Variants in NTAQ1 observed in about 807,000 individuals in gnomAD.
NTAQ1 encodes the protein protein N-terminal glutamine amidohydrolase.
Under a neutral mutation model 28.2 loss-of-function variants are expected in NTAQ1, and 21 were observed. The observed-to-expected ratio is 0.74, with a 90% CI of 0.53 to 1.07. NTAQ1 has a LOEUF of 1.07. Ranked by LOEUF, NTAQ1 falls within the 50% of genes least tolerant of loss-of-function variation. The pLI is 0.00. For synonymous variants in NTAQ1, 105 were observed against 90.0 expected (o/e 1.17, Z -0.94); for missense variants, 264 against 256.6 (o/e 1.03, Z -0.20).
chr8:123,428,138 C>A, intron 2 of NTAQ1, 115 bp downstream of exon 2: 1 of 693,236 alleles, frequency 1.4e-6, no homozygotes. Flanking sequence ...CTGAAGTGTG[C>A]TTTATTAAAT....
intron 6 of NTAQ1, among the ~76,000 whole-genome samples, chr8:123,463,194 T>C (rs1815879750): frequency 6.6e-6 from 1 of 152,222 alleles, no homozygotes; most frequent in South Asian, 2.1e-4. Flanking sequence ...TTCAGAAGGA[T>C]TTCCTAAGAA....
At chr8:123,467,187 C>G (rs570784274) in exon 7 of NTAQ1, 1 of 152,056 alleles carries the variant, frequency 6.6e-6, no homozygotes, top group African/African-American at 2.4e-5. Flanking sequence ...CAGGCATGCA[C>G]CACCATGCCC....
At chr8:123,438,376 C>T in intron 5 of NTAQ1, 1 of 529,370 alleles carries the variant, frequency 1.9e-6, no homozygotes, top group Non-Finnish European at 3.4e-6. Flanking sequence ...CAACAAGGGT[C>T]TGAGCGTGGT....
intron 6 of NTAQ1, among the ~76,000 whole-genome samples, chr8:123,463,050 C>T (rs1815875426): frequency 6.6e-6 from 1 of 152,182 alleles, no homozygotes; most frequent in Non-Finnish European, 1.5e-5. Flanking sequence ...ACGGTGGCTC[C>T]AGGAAGTGAC....
At chr8:123,419,081 G>GTTTTTTTTTTTTTTTTTTTT in intron 1 of NTAQ1, among the ~76,000 whole-genome samples, 1 of 119,920 alleles carries the variant, frequency 8.3e-6, no homozygotes, top group Non-Finnish European at 1.7e-5. Context: ...AGCTTTGGGG[G>GTTTTTTTTTTTTTTTTTTTT]TTTTTTTTTT....
chr8:123,454,049 C>T (rs766778829), intron 6 of NTAQ1, among the ~76,000 whole-genome samples: 1 of 152,134 alleles, frequency 6.6e-6, no homozygotes, highest in Non-Finnish European at 1.5e-5. Context: ...TCCCCATGGT[C>T]GGGATGAAGT....
At chr8:123,431,337 CAA>C (rs35552563) in intron 3 of NTAQ1, among the ~76,000 whole-genome samples, 23,501 of 123,684 alleles carry the variant, frequency 0.19, 1,822 homozygotes, top group Non-Finnish European at 0.24. Flanking sequence ...AACTCCATAT[CAA>C]AAAAAAAAAA....
At chr8:123,452,132 T>C (rs542863590), downstream of NTAQ1, among the ~76,000 whole-genome samples, 23 of 152,348 alleles carry the variant, frequency 1.5e-4, no homozygotes, top group African/African-American at 5.5e-4. Context: ...ATGTCTAGTG[T>C]CTGATATTGA....
chr8:123,448,087 T>C (rs1815355337), exon 7 of NTAQ1: 1 of 152,198 alleles, frequency 6.6e-6, no homozygotes, highest in South Asian at 2.1e-4. Flanking sequence ...AAGCTACTTA[T>C]CAAAGGCAGA....
intron 1 of NTAQ1, among the ~76,000 whole-genome samples, chr8:123,422,007 T>C (rs1246471269): frequency 5.3e-5 from 8 of 151,944 alleles, no homozygotes; most frequent in Admixed American, 2.6e-4. Context: ...ATAGAGACAA[T>C]GTTTCACCAT....
chr8:123,473,809 T>C (rs1816065435), downstream of NTAQ1, among the ~76,000 whole-genome samples: 1 of 152,244 alleles, frequency 6.6e-6, no homozygotes, highest in African/African-American at 2.4e-5. Context: ...TCATCTTGTT[T>C]ATGTTATTTA....
At chr8:123,425,759 C>T (rs1814014779) in intron 1 of NTAQ1, among the ~76,000 whole-genome samples, 1 of 152,032 alleles carries the variant, frequency 6.6e-6, no homozygotes, top group Non-Finnish European at 1.5e-5. Context: ...CCTGTAATCC[C>T]AGTATTTTGG....
At chr8:123,470,262 C>T (rs771214093), downstream of NTAQ1, among the ~76,000 whole-genome samples, 5 of 152,096 alleles carry the variant, frequency 3.3e-5, no homozygotes, top group Non-Finnish European at 7.4e-5. Flanking sequence ...GTATGGCAGC[C>T]GAAACAGACT....
chr8:123,471,360 T>C (rs1450279840), downstream of NTAQ1, among the ~76,000 whole-genome samples: 1 of 152,192 alleles, frequency 6.6e-6, no homozygotes, highest in Non-Finnish European at 1.5e-5. Flanking sequence ...CATTCTGTGG[T>C]ACTGGGTATT....
At chr8:123,465,009 G>A (rs1442322003) in intron 6 of NTAQ1, among the ~76,000 whole-genome samples, 1 of 152,124 alleles carries the variant, frequency 6.6e-6, no homozygotes, top group African/African-American at 2.4e-5. Context: ...CTGCACTCCT[G>A]CCTGGGCAAC....
At chr8:123,470,231 C>T (rs1025718223), downstream of NTAQ1, among the ~76,000 whole-genome samples, 1 of 152,176 alleles carries the variant, frequency 6.6e-6, no homozygotes, top group Non-Finnish European at 1.5e-5. Flanking sequence ...GTTTAAGCCA[C>T]CACCCAGTCT....
At chr8:123,471,489 A>C (rs1816041389), downstream of NTAQ1, among the ~76,000 whole-genome samples, 1 of 152,208 alleles carries the variant, frequency 6.6e-6, no homozygotes, top group Non-Finnish European at 1.5e-5. Context: ...GAGGCTGGAA[A>C]GTCCCAAGAT....
intron 6 of NTAQ1, among the ~76,000 whole-genome samples, chr8:123,455,797 C>T (rs1815633769): frequency 1.3e-5 from 2 of 152,074 alleles, no homozygotes; most frequent in African/African-American, 4.8e-5. Flanking sequence ...GTTCTGGGAC[C>T]ATGTATCATG....
intron 1 of NTAQ1, among the ~76,000 whole-genome samples, chr8:123,422,297 A>ATTTTTTT: frequency 7.6e-6 from 1 of 130,788 alleles, no homozygotes. Flanking sequence ...TTTTTTTGAG[A>ATTTTTTT]CAGGGTCTCA....
Sources: gnomAD v4.1 joint callset for allele counts (sites outside exome capture counted in the v4.1 genomes callset) on GRCh38, gnomAD v4.1.1 for gene constraint, MANE v1.5 for transcripts, NCBI Gene and HGNC (gene_info 2026-07-23, HGNC 2026-07-21) for gene names.